FAF2: variants seen among roughly 807,000 people sequenced by gnomAD.
The protein encoded by FAF2 is FAS-associated factor 2.
Under a neutral mutation model 62.3 loss-of-function variants are expected in FAF2, and 9 were observed. The ratio of observed to expected loss-of-function variants is 0.14; its 90% CI spans 0.09 to 0.25. The LOEUF (loss-of-function observed/expected upper bound fraction) is 0.25. Among genes scored for constraint, FAF2 ranks in the 10% least tolerant of loss-of-function variants. The probability of loss-of-function intolerance (pLI) is 1.00; values close to 1 mark genes in which losing one functional copy is unlikely to be tolerated. For missense variants in FAF2, 368 were observed against 556.2 expected (o/e 0.66, Z 3.40); for synonymous variants, 202 against 198.0 (o/e 1.02, Z -0.17).
At chr5:176,448,521 G>A (rs771459595) in intron 1 of FAF2, 51 bp downstream of exon 1, 39 of 1,526,782 alleles carry the variant, frequency 2.6e-5, no homozygotes, top group Non-Finnish European at 2.7e-6. Context: ...TGGGGAGTAG[G>A]CCCCTAGAGG....
intron 1 of FAF2, among the ~76,000 whole-genome samples, chr5:176,468,840 A>T (rs2113725166): frequency 6.6e-6 from 1 of 151,810 alleles, no homozygotes; most frequent in South Asian, 2.1e-4. Flanking sequence ...GCTACTTGGG[A>T]GGCTGAGGCA....
chr5:176,478,498 G>A (rs1225844953), intron 1 of FAF2, among the ~76,000 whole-genome samples: 3 of 152,098 alleles, frequency 2.0e-5, no homozygotes, highest in Admixed American at 6.5e-5. Context: ...GTGGCGGGGG[G>A]TAGGGGGGTC....
chr5:176,498,208 C>T (rs1245746221), intron 8 of FAF2, among the ~76,000 whole-genome samples: 2 of 152,136 alleles, frequency 1.3e-5, no homozygotes, highest in East Asian at 3.8e-4. Flanking sequence ...ATGTATAGAA[C>T]AGGAAACTTT....
At chr5:176,473,542 G>A (rs1228649031) in intron 1 of FAF2, among the ~76,000 whole-genome samples, 5 of 152,146 alleles carry the variant, frequency 3.3e-5, no homozygotes, top group Non-Finnish European at 7.4e-5. Flanking sequence ...TTGGAAGGAA[G>A]TCATCATGCC....
Position 176,464,818 on chromosome 5 carries a change from A to G in FAF2, c.64-14370A>G, listed in dbSNP as rs141022447. On this transcript the variant is annotated intron_variant, in intron 1 of 10. Transcript: ENST00000261942. Reference sequence around the variant, plus strand: ...AATTTTCTTTTTTTCTAGAAGCAGAACCTTTCAAAGCCTTTACAAGATTAT... The same window carrying G: ...AATTTTCTTTTTTTCTAGAAGCAGAGCCTTTCAAAGCCTTTACAAGATTAT... Among the ~76,000 whole-genome samples the G allele has an allele frequency of 1.0e-3, 154 of 152,036 alleles. 2 individuals carry two copies. The highest frequency in any genetic ancestry group is 1.9e-3 in the East Asian group (10 of 5,190).
chr5:176,467,829 CAG>C (rs1415347352), intron 1 of FAF2, among the ~76,000 whole-genome samples: 1 of 152,146 alleles, frequency 6.6e-6, no homozygotes, highest in Non-Finnish European at 1.5e-5. Context: ...GTTCCTGACA[CAG>C]AGTAGGAATA....
chr5:176,467,668 C>G (rs992388172), intron 1 of FAF2, among the ~76,000 whole-genome samples: 1 of 152,212 alleles, frequency 6.6e-6, no homozygotes, highest in Non-Finnish European at 1.5e-5. Flanking sequence ...TTTAGCTGAC[C>G]TTTATTAAGC....
rs182939734 is a variant in FAF2, at chr5:176,462,278, A to G, written c.63+13808A>G. ...GTGGCAGAGTGAGATTCTGTCTCCA[A>G]ACAAAACAAGAAAAAAGAGTGGATC... On this transcript the variant is annotated intron_variant, in intron 1 of 10. Coordinates refer to ENST00000261942, the MANE Select transcript of FAF2 (RefSeq NM_014613.3). Among the ~76,000 whole-genome samples, 406 of 152,110 alleles carry G rather than the reference A, an allele frequency of 2.7e-3. 2 individuals are homozygous for G. The highest frequency in any genetic ancestry group is 9.5e-3 in the African/African-American group (395 of 41,496).
chr5:176,451,884 ATATATATATT>A (rs1758189225), intron 1 of FAF2, among the ~76,000 whole-genome samples: 3 of 28,346 alleles, frequency 1.1e-4, no homozygotes, highest in African/African-American at 1.6e-4. Flanking sequence ...ACATATATAT[ATATATATATT>A]TTTTTTTTTT....
chr5:176,487,224 G>A (rs1349701230), intron 3 of FAF2, among the ~76,000 whole-genome samples: 11 of 152,014 alleles, frequency 7.2e-5, no homozygotes, highest in Non-Finnish European at 1.3e-4. Flanking sequence ...TCACTCTGTC[G>A]CCCAGCCTGG....
rs1402992067 is a variant in FAF2 at position 176,506,207 on chromosome 5, CA to C, written c.1156-549del. Among the ~76,000 whole-genome samples, 381 of 108,160 alleles carry C rather than the reference CA, an allele frequency of 3.5e-3. 4 individuals are homozygous for C. The highest frequency in any genetic ancestry group is 5.5e-3 in the Middle Eastern group (1 of 182). 71.0% of individuals were successfully genotyped at this position (108,160 alleles called of 152,430 possible). A position where few individuals can be genotyped will look rare whatever the true frequency, so the allele number is the denominator to read the frequency against. ...GAGACTCTCTCAAAAAAAAAAAAAA[CA>C]AAAAAAAAAAACTGGATCCCTTTGC... On this transcript the variant is annotated intron_variant, in intron 10 of 10. Coordinates refer to ENST00000261942, the MANE Select transcript of FAF2 (RefSeq NM_014613.3).
intron 7 of FAF2, among the ~76,000 whole-genome samples, chr5:176,495,687 T>A (rs1164990917): frequency 6.6e-6 from 1 of 152,010 alleles, no homozygotes; most frequent in South Asian, 2.1e-4. Context: ...AATTTTTGTA[T>A]TTTTTGTAGA....
intron 7 of FAF2, 58 bp from the exon 8 acceptor site, chr5:176,496,426 TAA>T (rs1416195592): frequency 1.4e-6 from 2 of 1,390,662 alleles, no homozygotes; most frequent in Non-Finnish European, 1.9e-6. Flanking sequence ...GTGGAAAGTC[TAA>T]GGGTTGATCT....
chr5:176,468,587 AAG>A (rs1386697739), intron 1 of FAF2, among the ~76,000 whole-genome samples: 1 of 152,076 alleles, frequency 6.6e-6, no homozygotes, highest in Non-Finnish European at 1.5e-5. Context: ...CCGTCTCAAA[AAG>A]AAAAATAGAA....
intron 1 of FAF2, among the ~76,000 whole-genome samples, chr5:176,470,572 C>G (rs1329472615): frequency 6.6e-6 from 1 of 152,262 alleles, no homozygotes; most frequent in East Asian, 1.9e-4. Flanking sequence ...GAGCGAAACT[C>G]TGTCTCCAAA....
intron 4 of FAF2, among the ~76,000 whole-genome samples, chr5:176,489,299 C>T (rs1013287658): frequency 2.7e-5 from 4 of 148,478 alleles, no homozygotes; most frequent in East Asian, 2.1e-4. Flanking sequence ...CCCTCCCCCC[C>T]CCACCATATT....
At chr5:176,464,137 TG>T (rs1488286453) in intron 1 of FAF2, among the ~76,000 whole-genome samples, 1 of 152,094 alleles carries the variant, frequency 6.6e-6, no homozygotes, top group African/African-American at 2.4e-5. Flanking sequence ...TTCTTTTTTT[TG>T]TAGAGACAGG....
intron 1 of FAF2, among the ~76,000 whole-genome samples, chr5:176,476,701 C>T (rs888665073): frequency 7.3e-6 from 1 of 136,710 alleles, no homozygotes; most frequent in Admixed American, 7.9e-5. Context: ...GGCATGATCT[C>T]GGCTCACCAC....
chr5:176,492,830 T>C (rs1758997107), intron 5 of FAF2, among the ~76,000 whole-genome samples: 1 of 152,256 alleles, frequency 6.6e-6, no homozygotes, highest in South Asian at 2.1e-4. Flanking sequence ...TTATATTCTT[T>C]CCTATATCAT....
Sources: gnomAD v4.1 joint callset for allele counts (sites outside exome capture counted in the v4.1 genomes callset) on GRCh38, gnomAD v4.1.1 for gene constraint, MANE v1.5 for transcripts, NCBI Gene and HGNC (gene_info 2026-07-23, HGNC 2026-07-21) for gene names.